Variants in RBFOX1 observed in about 807,000 individuals in gnomAD.
RBFOX1 encodes RNA binding fox-1 homolog 1, also known as RNA binding protein fox-1 homolog 1.
In RBFOX1, 8 loss-of-function variants were observed where a neutral mutation model predicts 57.7. That is an observed-to-expected ratio of 0.14 (90% confidence interval 0.08 to 0.25). The LOEUF (loss-of-function observed/expected upper bound fraction) is 0.25, where lower values mean the gene tolerates loss of function less well. Ranked by LOEUF, RBFOX1 falls within the 10% of genes least tolerant of loss-of-function variation. The pLI is 1.00. For missense variants in RBFOX1, 611 were observed against 548.5 expected, an observed-to-expected ratio of 1.11 and a Z score of -1.14; for synonymous variants, 326 against 222.4, an observed-to-expected ratio of 1.47 and a Z score of -4.15.
chr16:7,313,894 A>G (rs1945769854), intron 4 of RBFOX1, among the ~76,000 whole-genome samples: 1 of 152,130 alleles, frequency 6.6e-6, no homozygotes, highest in African/African-American at 2.4e-5. Context: ...CTGGTTCTGT[A>G]TGATTTACGG....
At chr16:6,243,584 TG>T (rs1567758375) in intron 1 of RBFOX1, among the ~76,000 whole-genome samples, 1 of 152,212 alleles carries the variant, frequency 6.6e-6, no homozygotes, top group Non-Finnish European at 1.5e-5. Flanking sequence ...CCTCTAATCA[TG>T]GTCCGTATAG....
At chr16:6,773,969 C>T in intron 3 of RBFOX1, 1 of 985,252 alleles carries the variant, frequency 1.0e-6, no homozygotes, top group South Asian at 4.7e-5. Flanking sequence ...TTCTCATGGT[C>T]CTCCCGTTTT....
intron 4 of RBFOX1, among the ~76,000 whole-genome samples, chr16:5,935,770 C>G (rs1003926653): frequency 4.6e-5 from 7 of 152,150 alleles, no homozygotes; most frequent in Admixed American, 1.3e-4. Flanking sequence ...GCGGCAGGGC[C>G]AGGTTTCAAA....
chr16:6,376,877 G>T (rs1030543919), intron 2 of RBFOX1, among the ~76,000 whole-genome samples: 3 of 152,094 alleles, frequency 2.0e-5, no homozygotes, highest in Admixed American at 2.0e-4. Flanking sequence ...GGATCTGGCG[G>T]CCCTCAGCTT....
intron 3 of RBFOX1, among the ~76,000 whole-genome samples, chr16:5,650,327 G>C (rs1056328385): frequency 6.7e-5 from 10 of 149,300 alleles, no homozygotes; most frequent in Non-Finnish European, 1.2e-4. Flanking sequence ...CAGCCACGGC[G>C]GTGGTGGTGG....
At chr16:6,852,095 G>C (rs1292502624) in intron 3 of RBFOX1, among the ~76,000 whole-genome samples, 1 of 151,936 alleles carries the variant, frequency 6.6e-6, no homozygotes, top group East Asian at 1.9e-4. Flanking sequence ...AACTACCACA[G>C]ATGTGGTGGC....
At chr16:6,028,160 A>C (rs2095232406) in intron 1 of RBFOX1, among the ~76,000 whole-genome samples, 1 of 152,240 alleles carries the variant, frequency 6.6e-6, no homozygotes, top group Non-Finnish European at 1.5e-5. Context: ...GGCATGGCTC[A>C]CTTTTACCAC....
At chr16:5,358,454 A>C (rs1196904840) in intron 1 of RBFOX1, among the ~76,000 whole-genome samples, 1 of 152,128 alleles carries the variant, frequency 6.6e-6, no homozygotes, top group Non-Finnish European at 1.5e-5. Context: ...AGGTGTACAT[A>C]TGTATGGGGT....
In RBFOX1 at chr16:7,694,683, C is replaced by G. The variant is rs115019835; in HGVS notation, c.996-14373C>G. 2.8e-3 allele frequency among the ~76,000 whole-genome samples: 430 copies of G among 152,246 alleles called. 2 individuals carry two copies. The highest frequency in any genetic ancestry group is 9.5e-3 in the African/African-American group (393 of 41,544). ...CTTAACACTTTACTAATGCCCAGTG[C>G]TAGGTGCAATGGTTAATTGAATTGC... On this transcript the variant is annotated intron_variant, in intron 14 of 15. Coordinates refer to ENST00000550418, the MANE Select transcript of RBFOX1 (RefSeq NM_018723.4).
At chr16:7,313,023 TGTA>T (rs757634237) in intron 4 of RBFOX1, among the ~76,000 whole-genome samples, 1 of 152,056 alleles carries the variant, frequency 6.6e-6, no homozygotes, top group Non-Finnish European at 1.5e-5. Flanking sequence ...CTGGATCTGT[TGTA>T]GGAGAGGCAG....
At position 7,176,626 on chromosome 16, in the gene RBFOX1, G is replaced by T. The variant is rs913883853; in HGVS notation, c.27+124528G>T. Reference sequence around the variant, plus strand: ...AGATGATTAGTGACAGAAACTATATGGGTGGCAAAGCCTGAAATATTTAAT... The same window carrying T: ...AGATGATTAGTGACAGAAACTATATTGGTGGCAAAGCCTGAAATATTTAAT... On this transcript the variant is annotated intron_variant, in intron 4 of 15. Coordinates refer to ENST00000550418, the MANE Select transcript of RBFOX1 (RefSeq NM_018723.4). Among the ~76,000 whole-genome samples the T allele has an allele frequency of 2.6e-5, 4 of 152,110 alleles. No individual in the cohort carries two copies. In the South Asian group the frequency reaches 8.3e-4, roughly 32 times the overall value.
chr16:6,104,864 T>C (rs1000897638), intron 1 of RBFOX1, among the ~76,000 whole-genome samples: 1 of 152,204 alleles, frequency 6.6e-6, no homozygotes, highest in African/African-American at 2.4e-5. Flanking sequence ...GAGATTCCTG[T>C]TTATGAAATG....
chr16:7,415,716 C>A (rs952828873), intron 4 of RBFOX1, among the ~76,000 whole-genome samples: 6 of 152,188 alleles, frequency 3.9e-5, no homozygotes, highest in African/African-American at 1.4e-4. Context: ...AAGAAAAGGG[C>A]TACCATTTCT....
intron 1 of RBFOX1, among the ~76,000 whole-genome samples, chr16:6,223,942 T>C (rs1190140014): frequency 2.0e-5 from 3 of 152,184 alleles, no homozygotes; most frequent in South Asian, 2.1e-4. Context: ...TTCCCAGCAC[T>C]GTTTATTAAA....
At chr16:6,193,392 CTATATATA>C (rs55707901) in intron 1 of RBFOX1, among the ~76,000 whole-genome samples, 487 of 43,214 alleles carry the variant, frequency 0.011, 12 homozygotes, top group African/African-American at 0.03. Flanking sequence ...TATATATATA[CTATATATA>C]TATATATATA....
chr16:5,901,011 C>T (rs1162811145), intron 4 of RBFOX1, among the ~76,000 whole-genome samples: 2 of 152,250 alleles, frequency 1.3e-5, no homozygotes, highest in African/African-American at 4.8e-5. Context: ...AGTCTGCAAT[C>T]ACTGCCTTTG....
intron 4 of RBFOX1, among the ~76,000 whole-genome samples, chr16:7,236,365 T>C (rs2093765866): frequency 6.6e-6 from 1 of 152,122 alleles, no homozygotes; most frequent in African/African-American, 2.4e-5. Context: ...TTTCTCCCCT[T>C]CCTATTTTGT....
At chr16:5,774,464 C>G (rs879613752) in intron 3 of RBFOX1, among the ~76,000 whole-genome samples, 4 of 152,192 alleles carry the variant, frequency 2.6e-5, no homozygotes, top group Admixed American at 2.6e-4. Flanking sequence ...ACACGTAGTT[C>G]AAAATTTCAG....
At chr16:6,611,546 AT>A (rs2098054276) in intron 2 of RBFOX1, among the ~76,000 whole-genome samples, 1 of 151,984 alleles carries the variant, frequency 6.6e-6, no homozygotes, top group Non-Finnish European at 1.5e-5. Context: ...ACAACTTGAC[AT>A]TTCTTCTCAT....
Sources: allele counts gnomAD v4.1 joint callset (sites outside exome capture counted in the v4.1 genomes callset), GRCh38; gene constraint gnomAD v4.1.1; transcripts MANE v1.5; gene names NCBI Gene and HGNC (gene_info 2026-07-23, HGNC 2026-07-21).